Variants in PDHX observed in about 807,000 individuals in gnomAD.
PDHX encodes the protein pyruvate dehydrogenase protein X component, mitochondrial.
PDHX carries 33 observed loss-of-function variants against 55.3 expected under a neutral mutation model. The ratio of observed to expected loss-of-function variants is 0.60; its 90% CI spans 0.45 to 0.80. PDHX has a LOEUF of 0.80. Ranked by LOEUF, PDHX falls within the 30% of genes least tolerant of loss-of-function variation. The pLI, the probability that PDHX is intolerant of heterozygous loss-of-function variation, is 0.00. For missense variants in PDHX, 622 were observed against 619.9 expected (o/e 1.00, Z -0.04); for synonymous variants, 226 against 219.4 (o/e 1.03, Z -0.27).
chr11:34,957,523 C>G lies in PDHX; in HGVS notation c.482C>G (p.Pro161Arg). Residue 161 changes from proline to arginine, a missense_variant, in exon 4 of 11, where the codon CCC (proline) becomes CGC (arginine). Pro to Arg is a moderately radical substitution (Grantham distance 103, BLOSUM62 -2). Coordinates refer to ENST00000227868, the MANE Select transcript of PDHX (RefSeq NM_003477.3). ...GTTTCAAAACCTTCAGAGCCTCGCC[C>G]CTCACCAGAACCACAGATTTCCATC... ...PPVSKPSEPR[P>R]SPEPQISIPV... 1.2e-6 allele frequency: 2 copies of G among 1,614,054 alleles called. No homozygotes were observed. The highest frequency in any genetic ancestry group is 1.3e-5 in the African/African-American group (1 of 75,010).
chr11:34,977,394 C>T (rs562323135), intron 7 of PDHX, among the ~76,000 whole-genome samples: 11 of 152,180 alleles, frequency 7.2e-5, no homozygotes, highest in Non-Finnish European at 1.3e-4. Flanking sequence ...AGTGGGAGGA[C>T]CCCAGCTTTA....
At chr11:34,991,756 A>C (rs1023893909) in intron 9 of PDHX, among the ~76,000 whole-genome samples, 3 of 151,948 alleles carry the variant, frequency 2.0e-5, no homozygotes, top group Admixed American at 6.6e-5. Flanking sequence ...TAAAAATATA[A>C]AAAATTAGCT....
At chr11:34,972,473 C>T (rs1228105720) in intron 7 of PDHX, among the ~76,000 whole-genome samples, 4 of 151,370 alleles carry the variant, frequency 2.6e-5, no homozygotes, top group Non-Finnish European at 4.4e-5. Flanking sequence ...TCTCGGTTCA[C>T]TTCAACCACC....
intron 1 of PDHX, among the ~76,000 whole-genome samples, chr11:34,920,177 G>C (rs187170763): frequency 9.2e-4 from 140 of 152,272 alleles, no homozygotes; most frequent in Middle Eastern, 3.4e-3. Context: ...ACCTACTCTA[G>C]ACAGTTAACT....
At chr11:34,937,415 G>T (rs1854357661) in intron 2 of PDHX, among the ~76,000 whole-genome samples, 2 of 150,304 alleles carry the variant, frequency 1.3e-5, no homozygotes, top group Non-Finnish European at 3.0e-5. Flanking sequence ...CACCACTAGG[G>T]CTGAGCTGGA....
chr11:34,953,283 T>C (rs915752116), intron 3 of PDHX, among the ~76,000 whole-genome samples: 1 of 152,044 alleles, frequency 6.6e-6, no homozygotes, highest in Non-Finnish European at 1.5e-5. Flanking sequence ...AATTTATAGA[T>C]TCAATGCCAT....
intron 7 of PDHX, among the ~76,000 whole-genome samples, chr11:34,976,366 C>G: frequency 6.6e-6 from 1 of 152,126 alleles, no homozygotes; most frequent in Non-Finnish European, 1.5e-5. Flanking sequence ...AACAGCATCT[C>G]CTTTCAATAT....
intron 5 of PDHX, among the ~76,000 whole-genome samples, chr11:34,965,236 C>T (rs1449976545): frequency 6.6e-6 from 1 of 152,198 alleles, no homozygotes; most frequent in Admixed American, 6.5e-5. Flanking sequence ...TGACAGAATG[C>T]AGTTCCTTGG....
upstream of PDHX, chr11:34,916,324 C>G: frequency 6.2e-7 from 1 of 1,606,620 alleles, no homozygotes; most frequent in South Asian, 1.1e-5. Flanking sequence ...AATCTCCGCA[C>G]GGCTTTGCGC....
chr11:34,920,329 G>A (rs2915203), intron 1 of PDHX, among the ~76,000 whole-genome samples: 120,205 of 152,084 alleles, frequency 0.79, 47,666 homozygotes, highest in East Asian at 0.83. Context: ...GAATAGAAAA[G>A]TAACTGAGGT....
At chr11:34,920,843 A>G (rs974347322) in intron 1 of PDHX, among the ~76,000 whole-genome samples, 4 of 152,186 alleles carry the variant, frequency 2.6e-5, no homozygotes, top group Non-Finnish European at 5.9e-5. Flanking sequence ...AAAGGAGGAA[A>G]ATGCTTATCC....
chr11:34,930,912 A>G (rs1016509032), intron 1 of PDHX, among the ~76,000 whole-genome samples: 2 of 152,222 alleles, frequency 1.3e-5, no homozygotes, highest in African/African-American at 4.8e-5. Context: ...ATTAGATGAA[A>G]ATAAAAACAG....
chr11:34,966,530 G>T (rs888697430), intron 5 of PDHX, 110 bp from the exon 6 acceptor site: 17 of 1,001,192 alleles, frequency 1.7e-5, no homozygotes, highest in Non-Finnish European at 2.6e-5. Flanking sequence ...TTATAACCTT[G>T]ACATCTGTAT....
chr11:34,937,109 T>G (rs1854341244), intron 2 of PDHX, among the ~76,000 whole-genome samples: 1 of 152,174 alleles, frequency 6.6e-6, no homozygotes, highest in South Asian at 2.1e-4. Flanking sequence ...CATACTTTTC[T>G]GAGCCCTATT....
At chr11:34,929,722 C>T (rs1854109039) in intron 1 of PDHX, among the ~76,000 whole-genome samples, 1 of 152,174 alleles carries the variant, frequency 6.6e-6, no homozygotes, top group South Asian at 2.1e-4. Context: ...AGATTCGCAT[C>T]CTGTAATCAG....
intron 10 of PDHX, among the ~76,000 whole-genome samples, chr11:34,994,347 TA>T (rs1855815891): frequency 1.3e-5 from 2 of 152,100 alleles, no homozygotes; most frequent in Admixed American, 1.3e-4. Context: ...AGTAAAAATG[TA>T]AAAAGTAAAA....
At chr11:34,945,985 C>T (rs1854610543) in intron 2 of PDHX, among the ~76,000 whole-genome samples, 1 of 152,202 alleles carries the variant, frequency 6.6e-6, no homozygotes, top group Non-Finnish European at 1.5e-5. Flanking sequence ...TGCTTCTCCA[C>T]CAGTGCCTCC....
At chr11:34,937,691 T>C (rs1034218293) in intron 2 of PDHX, among the ~76,000 whole-genome samples, 4 of 152,094 alleles carry the variant, frequency 2.6e-5, no homozygotes, top group African/African-American at 9.7e-5. Flanking sequence ...TGATTTTGAA[T>C]CTATATGGAA....
At chr11:34,980,273 C>A (rs1215890023) in intron 8 of PDHX, among the ~76,000 whole-genome samples, 2 of 146,360 alleles carry the variant, frequency 1.4e-5, no homozygotes, top group Non-Finnish European at 3.0e-5. Context: ...TTTTTTCCTT[C>A]ATTTCCTTAG....
Sources: gnomAD v4.1 joint callset for allele counts (sites outside exome capture counted in the v4.1 genomes callset) on GRCh38, gnomAD v4.1.1 for gene constraint, MANE v1.5 for transcripts, NCBI Gene and HGNC (gene_info 2026-07-23, HGNC 2026-07-21) for gene names.